Variants in FREM2 observed in about 807,000 individuals in gnomAD.
The protein encoded by FREM2 is FRAS1 related extracellular matrix 2.
FREM2 carries 119 observed loss-of-function variants against 219.9 expected under a neutral mutation model. That is an observed-to-expected ratio of 0.54 (90% CI 0.47 to 0.63). The LOEUF (loss-of-function observed/expected upper bound fraction) is 0.63. Among genes scored for constraint, FREM2 ranks in the 30% least tolerant of loss-of-function variants. The probability of loss-of-function intolerance (pLI) is 0.00; values close to 1 mark genes in which losing one functional copy is unlikely to be tolerated. For synonymous variants in FREM2, 1,562 were observed against 1,522.8 expected (o/e 1.03, Z -0.60); for missense variants, 4,030 against 3,993.6 (o/e 1.01, Z -0.25).
rs528197751 is a variant in FREM2, at chr13:38,878,959, C to T, written c.8988C>T (p.Asp2996=). 7.9e-5 allele frequency: 127 copies of T among 1,614,062 alleles called. No individual in the cohort carries two copies. Among genetic ancestry groups the T allele is most frequent in the Non-Finnish European group, 1.0e-4 (123 of 1,180,032 alleles). The change falls in exon 23 of 24, where the codon GAC becomes GAT. Residue 2996 remains aspartate, a synonymous_variant. Coordinates refer to ENST00000280481, the MANE Select transcript of FREM2 (RefSeq NM_207361.6). ...NQPGSDGFKV[D]STPLFQVALG... ...CTGGATCTGATGGATTTAAAGTCGA[C>T]TCAACACCACTCTTTCAGGTAGGCC...
intron 4 of FREM2, among the ~76,000 whole-genome samples, chr13:38,774,454 C>T (rs1253731658): frequency 1.3e-5 from 2 of 152,022 alleles, no homozygotes; most frequent in South Asian, 2.1e-4. Context: ...TTACAATTAA[C>T]AATATAGAAT....
chr13:38,846,011 C>T (rs1046921321), intron 6 of FREM2, among the ~76,000 whole-genome samples: 1 of 152,144 alleles, frequency 6.6e-6, no homozygotes, highest in African/African-American at 2.4e-5. Context: ...AACCTGCAGT[C>T]AGGCCCTGCA....
intron 1 of FREM2, among the ~76,000 whole-genome samples, chr13:38,694,892 T>C (rs902402125): frequency 1.3e-5 from 2 of 152,164 alleles, no homozygotes; most frequent in African/African-American, 4.8e-5. Context: ...TAATGATATA[T>C]TCTGTGGGAT....
intron 6 of FREM2, among the ~76,000 whole-genome samples, chr13:38,802,553 A>C (rs1875057699): frequency 6.6e-6 from 1 of 152,166 alleles, no homozygotes; most frequent in South Asian, 2.1e-4. Flanking sequence ...CCAGTCCCAC[A>C]ACAGCCCACC....
chr13:38,857,843 A>G, intron 12 of FREM2, 32 bp from the exon 13 acceptor site: 1 of 1,587,500 alleles, frequency 6.3e-7, no homozygotes, highest in South Asian at 1.1e-5. Context: ...TTAATATTTC[A>G]CTAATCAGTG....
chr13:38,772,518 T>C (rs2137817952), intron 4 of FREM2, among the ~76,000 whole-genome samples: 1 of 152,346 alleles, frequency 6.6e-6, no homozygotes, highest in Middle Eastern at 3.4e-3. Context: ...GCAGTTACTA[T>C]GCAACAGACA....
At position 38,688,662 on chromosome 13, in the gene FREM2, G is replaced by A. The variant is rs1869626723; in HGVS notation, c.1318G>A (p.Val440Met). 1 of 1,614,124 alleles carries A rather than the reference G, an allele frequency of 6.2e-7. No individual in the cohort carries two copies. The highest frequency in any genetic ancestry group is 8.5e-7 in the Non-Finnish European group (1 of 1,180,032). ...GAAGCCCATGAACACAATGGCTCCG[G>A]TGGTCACCCGGAATACCGGTCTTAT... ...VVKPMNTMAP[V>M]VTRNTGLILY... is the part of the protein sequence containing the mutation. The change falls in exon 1 of 24, where the codon GTG (valine) becomes ATG (methionine). Residue 440 changes from valine (V) to methionine (M), a missense_variant. Transcript: ENST00000280481.
At chr13:38,840,182 C>G (rs1423341975) in intron 6 of FREM2, among the ~76,000 whole-genome samples, 1 of 152,174 alleles carries the variant, frequency 6.6e-6, no homozygotes, top group Non-Finnish European at 1.5e-5. Flanking sequence ...GGCACAGTCC[C>G]TCATGGCTTC....
chr13:38,773,718 C>T (rs1209243022), intron 4 of FREM2, among the ~76,000 whole-genome samples: 1 of 152,108 alleles, frequency 6.6e-6, no homozygotes, highest in Non-Finnish European at 1.5e-5. Flanking sequence ...TCAGCCACCA[C>T]ACACAGCCTC....
At chr13:38,777,575 C>T (rs909631400) in intron 4 of FREM2, among the ~76,000 whole-genome samples, 1 of 152,146 alleles carries the variant, frequency 6.6e-6, no homozygotes, top group Non-Finnish European at 1.5e-5. Flanking sequence ...ACTAGCCAAT[C>T]ATGTGAAGTG....
Position 38,861,674 on chromosome 13 carries a change from C to A in FREM2, c.7651+112C>A, listed in dbSNP as rs147726701. On this transcript the variant is annotated intron_variant, in intron 15 of 23. Coordinates refer to ENST00000280481, the MANE Select transcript of FREM2 (RefSeq NM_207361.6). ...GCTTAAATAAACGTTCAATTTGCAA[C>A]TTGAGCTTCAAGTCCTTCCACTTCT... 100 of 1,196,708 alleles carry A rather than the reference C, an allele frequency of 8.4e-5. No individual in the cohort carries two copies. The East Asian group carries it at 2.3e-3, about 28-fold the overall frequency. The allele number at this position is 1,196,708 out of a possible 1,614,324, so 74.1% of individuals were successfully genotyped here.
chr13:38,856,605 A>G (rs532143088), intron 12 of FREM2, among the ~76,000 whole-genome samples: 27 of 152,120 alleles, frequency 1.8e-4, no homozygotes, highest in Non-Finnish European at 3.2e-4. Context: ...AGAGGGAACT[A>G]TTAATTCAGT....
At chr13:38,774,345 C>G (rs1250160522) in intron 4 of FREM2, among the ~76,000 whole-genome samples, 1 of 152,172 alleles carries the variant, frequency 6.6e-6, no homozygotes, top group Non-Finnish European at 1.5e-5. Flanking sequence ...AACATCTACT[C>G]TATGCCAGGA....
intron 13 of FREM2, 64 bp from the exon 14 acceptor site, chr13:38,859,223 G>A (rs188898969): frequency 2.6e-5 from 39 of 1,511,220 alleles, no homozygotes; most frequent in South Asian, 7.9e-5. Context: ...GGCAGAGAAC[G>A]GGAGAAGAAT....
In FREM2 at chr13:38,882,081, G is replaced by A. The variant is rs1408000572; in HGVS notation, c.*1294G>A. The A allele has an allele frequency of 6.6e-6, 1 of 152,076 alleles. No homozygotes were observed. The highest frequency in any genetic ancestry group is 1.5e-5 in the Non-Finnish European group (1 of 68,018). 9.4% of individuals were successfully genotyped at this position (152,076 alleles called of 1,614,324 possible). A position where few individuals can be genotyped will look rare whatever the true frequency, so the allele number is the denominator to read the frequency against. Reference sequence around the variant, plus strand: ...ATTTAAAAATATAATTTGTAACAGTGCTTACCATTCACCTCCCAAAGCCAA... The same window carrying A: ...ATTTAAAAATATAATTTGTAACAGTACTTACCATTCACCTCCCAAAGCCAA... On this transcript the variant is annotated 3_prime_UTR_variant, in exon 24 of 24. Transcript: ENST00000280481.
intron 2 of FREM2, among the ~76,000 whole-genome samples, chr13:38,757,872 G>A (rs963498401): frequency 6.6e-6 from 1 of 152,126 alleles, no homozygotes; most frequent in African/African-American, 2.4e-5. Flanking sequence ...ACAGGCATAA[G>A]CCACCACACC....
intron 1 of FREM2, among the ~76,000 whole-genome samples, chr13:38,697,117 G>A (rs1593349521): frequency 6.6e-6 from 1 of 152,220 alleles, no homozygotes; most frequent in African/African-American, 2.4e-5. Flanking sequence ...ACTTTTATTA[G>A]ATGTTTTTTG....
chr13:38,829,587 G>A lies in FREM2; in HGVS notation c.6020-16986G>A, dbSNP rs901809336. On this transcript the variant is annotated intron_variant, in intron 6 of 23. Transcript: ENST00000280481. The stretch of plus-strand genomic sequence containing the variant: ...GGCCTACTATGCTATTTGTAGTATA[G>A]TACACCATGTAGTGTAGTATGGAAA... Among the ~76,000 whole-genome samples the A allele has an allele frequency of 4.0e-5, 6 of 149,906 alleles. No individual in the cohort carries two copies. In the East Asian group the frequency reaches 1.2e-3, roughly 29 times the overall value.
chr13:38,728,623 G>A (rs1343738754), intron 2 of FREM2, among the ~76,000 whole-genome samples: 2 of 151,864 alleles, frequency 1.3e-5, no homozygotes, highest in East Asian at 1.9e-4. Context: ...GTGTTGCATA[G>A]CCTGGTCTGG....
Sources: allele counts gnomAD v4.1 joint callset (sites outside exome capture counted in the v4.1 genomes callset), GRCh38; gene constraint gnomAD v4.1.1; transcripts MANE v1.5; gene names NCBI Gene and HGNC (gene_info 2026-07-23, HGNC 2026-07-21).